IRF2: variants seen among roughly 807,000 people sequenced by gnomAD.
IRF2 encodes interferon regulatory factor 2.
In IRF2, 15 loss-of-function variants were observed where a neutral mutation model predicts 40.6. The observed-to-expected ratio is 0.37, with a 90% CI of 0.25 to 0.57. The LOEUF (loss-of-function observed/expected upper bound fraction) is 0.57, where lower values mean the gene tolerates loss of function less well. Ranked by LOEUF, IRF2 falls within the 20% of genes least tolerant of loss-of-function variation. IRF2 has a pLI of 0.77. For synonymous variants in IRF2, 151 were observed against 165.5 expected, an observed-to-expected ratio of 0.91 and a Z score of 0.67; for missense variants, 317 against 455.7, an observed-to-expected ratio of 0.70 and a Z score of 2.77.
At chr4:184,466,308 C>T (rs1739319248) in intron 1 of IRF2, among the ~76,000 whole-genome samples, 1 of 152,140 alleles carries the variant, frequency 6.6e-6, no homozygotes, top group Admixed American at 6.5e-5. Flanking sequence ...GCCTCGGCCT[C>T]CCAAAGTGCT....
At chr4:184,405,145 G>A (rs1430129323) in intron 6 of IRF2, among the ~76,000 whole-genome samples, 1 of 152,220 alleles carries the variant, frequency 6.6e-6, no homozygotes. Context: ...TTGGGAGGCT[G>A]AGGCAGGAGA....
At chr4:184,437,937 G>C (rs1335787202) in intron 1 of IRF2, among the ~76,000 whole-genome samples, 2 of 151,952 alleles carry the variant, frequency 1.3e-5, no homozygotes, top group Non-Finnish European at 2.9e-5. Context: ...TTTCCCAAAT[G>C]CAAGTTCCTC....
rs1470238651 is a variant in IRF2, at chr4:184,432,367, C to T, written c.-6-3297G>A. ...AGACAAGTGTTCTTTTCACAGGCTA[C>T]AGAGTGCGACATTTGTCACATCGTT... On this transcript the variant is annotated intron_variant, in intron 1 of 8. Transcript: ENST00000393593. Among the ~76,000 whole-genome samples, 6 of 152,372 alleles carry T rather than the reference C, an allele frequency of 3.9e-5. 1 individual carries two copies. Among genetic ancestry groups the T allele is most frequent in the South Asian group, 2.1e-4 (1 of 4,830 alleles).
chr4:184,394,982 C>T (rs1736391527), intron 7 of IRF2, among the ~76,000 whole-genome samples: 1 of 152,162 alleles, frequency 6.6e-6, no homozygotes. Flanking sequence ...ATTTAGACCA[C>T]AGAGGAGAAG....
chr4:184,421,195 C>T (rs2149901231), intron 2 of IRF2, among the ~76,000 whole-genome samples: 1 of 152,346 alleles, frequency 6.6e-6, no homozygotes, highest in Non-Finnish European at 1.5e-5. Flanking sequence ...GATTCAGCGC[C>T]TCTCCACAGA....
intron 2 of IRF2, among the ~76,000 whole-genome samples, chr4:184,422,147 T>C (rs1561101331): frequency 6.6e-6 from 1 of 152,226 alleles, no homozygotes; most frequent in Non-Finnish European, 1.5e-5. Flanking sequence ...GCCAAGGTCA[T>C]GCTTCTTGTA....
At chr4:184,468,117 A>G (rs961879422) in intron 1 of IRF2, among the ~76,000 whole-genome samples, 2 of 152,134 alleles carry the variant, frequency 1.3e-5, no homozygotes, top group African/African-American at 4.8e-5. Context: ...ACAAAACCAA[A>G]CGCCTAATTC....
At chr4:184,402,164 T>G (rs1338626158) in intron 6 of IRF2, among the ~76,000 whole-genome samples, 2 of 152,154 alleles carry the variant, frequency 1.3e-5, no homozygotes, top group African/African-American at 2.4e-5. Context: ...AGAGTCAGTT[T>G]AAGGCCGTGA....
At chr4:184,417,771 T>C (rs1042669418) in intron 5 of IRF2, among the ~76,000 whole-genome samples, 5 of 152,220 alleles carry the variant, frequency 3.3e-5, no homozygotes, top group Non-Finnish European at 5.9e-5. Flanking sequence ...ATACATTGTA[T>C]AGAGGTCTAT....
intron 5 of IRF2, among the ~76,000 whole-genome samples, chr4:184,412,218 T>C (rs1194814159): frequency 1.3e-5 from 2 of 152,108 alleles, no homozygotes; most frequent in African/African-American, 4.8e-5. Flanking sequence ...GTTTAAGGGA[T>C]TTTAAGCAAA....
chr4:184,458,902 C>A (rs1364090923), intron 1 of IRF2, among the ~76,000 whole-genome samples: 3 of 152,166 alleles, frequency 2.0e-5, no homozygotes, highest in African/African-American at 7.2e-5. Context: ...CTGCTGTCAA[C>A]AATTCACAAT....
chr4:184,461,465 GC>G (rs1286638010), intron 1 of IRF2, among the ~76,000 whole-genome samples: 6 of 152,150 alleles, frequency 3.9e-5, no homozygotes, highest in Admixed American at 2.6e-4. Context: ...CATCTTACTT[GC>G]CTAATTGTGT....
chr4:184,394,430 G>C (rs541905682), intron 7 of IRF2, among the ~76,000 whole-genome samples: 28 of 152,324 alleles, frequency 1.8e-4, no homozygotes, highest in Non-Finnish European at 3.8e-4. Flanking sequence ...TTTCTGGAAG[G>C]CTCTTGTTCA....
At chr4:184,432,202 C>A (rs72703772) in intron 1 of IRF2, among the ~76,000 whole-genome samples, 8,293 of 152,312 alleles carry the variant, frequency 0.054, 303 homozygotes, top group Middle Eastern at 0.13. Context: ...TGAAATATAT[C>A]CACAACCCCC....
intron 1 of IRF2, among the ~76,000 whole-genome samples, chr4:184,461,685 C>CTT (rs60947678): frequency 7.5e-6 from 1 of 134,156 alleles, no homozygotes. Context: ...CCTCTACCCG[C>CTT]CCCCCCACCG....
intron 1 of IRF2, among the ~76,000 whole-genome samples, chr4:184,442,510 G>A (rs1462810814): frequency 1.3e-5 from 2 of 152,100 alleles, no homozygotes; most frequent in Non-Finnish European, 1.5e-5. Context: ...GCCCATAACC[G>A]ATTAACCTGA....
At chr4:184,434,567 T>C (rs1392595417) in intron 1 of IRF2, among the ~76,000 whole-genome samples, 2 of 152,192 alleles carry the variant, frequency 1.3e-5, no homozygotes, top group African/African-American at 4.8e-5. Context: ...GAAAGGCACG[T>C]TGTAAAATCA....
At chr4:184,432,505 G>C (rs1415590637) in intron 1 of IRF2, among the ~76,000 whole-genome samples, 1 of 152,202 alleles carries the variant, frequency 6.6e-6, no homozygotes, top group South Asian at 2.1e-4. Context: ...GGGAAAATAC[G>C]TATATTAGAT....
intron 1 of IRF2, among the ~76,000 whole-genome samples, chr4:184,462,694 G>A (rs925945877): frequency 6.6e-6 from 1 of 152,154 alleles, no homozygotes; most frequent in African/African-American, 2.4e-5. Flanking sequence ...ATTTTTTAAA[G>A]GTCTGGATAC....
Sources: allele counts gnomAD v4.1 joint callset (sites outside exome capture counted in the v4.1 genomes callset), GRCh38; gene constraint gnomAD v4.1.1; transcripts MANE v1.5; gene names NCBI Gene and HGNC (gene_info 2026-07-23, HGNC 2026-07-21).